Variants in RNF150 observed in about 807,000 individuals in gnomAD.
The protein encoded by RNF150 is ring finger protein 150.
A neutral mutation model predicts 39.3 loss-of-function variants in RNF150; 24 were observed. That is an observed-to-expected ratio of 0.61 (90% CI 0.44 to 0.86). RNF150 has a LOEUF of 0.86. Ranked by LOEUF, RNF150 falls within the 40% of genes least tolerant of loss-of-function variation. RNF150 has a pLI of 0.00. For synonymous variants in RNF150, 255 were observed against 227.3 expected, an observed-to-expected ratio of 1.12 and a Z score of -1.10; for missense variants, 502 against 587.8, an observed-to-expected ratio of 0.85 and a Z score of 1.51.
intron 1 of RNF150, among the ~76,000 whole-genome samples, chr4:141,205,016 A>C (rs80317772): frequency 1.3e-5 from 2 of 152,156 alleles, no homozygotes; most frequent in Non-Finnish European, 2.9e-5. Context: ...TGGGATAAAC[A>C]TGCTTAAAAT....
At chr4:141,177,054 GAA>G (rs5862514) in intron 1 of RNF150, among the ~76,000 whole-genome samples, 13,363 of 111,672 alleles carry the variant, frequency 0.12, 2,096 homozygotes, top group African/African-American at 0.39. Context: ...TGTCTCCTAG[GAA>G]AAAAAAAAAA....
In RNF150 at chr4:140,860,382, A is replaced by G. The variant is rs144853526; in HGVS notation, c.*7879T>C. 3 of 152,272 alleles carry G rather than the reference A, an allele frequency of 2.0e-5. No individual in the cohort carries two copies. The highest frequency in any genetic ancestry group is 7.2e-5 in the African/African-American group (3 of 41,556). The allele number at this position is 152,272 out of a possible 1,614,324, so 9.4% of individuals were successfully genotyped here. A position where few individuals can be genotyped will look rare whatever the true frequency, so the allele number is the denominator to read the frequency against. ...CAATTAAGAACTGAAGTCCAAATGA[A>G]AGACTCCCCATGCAAATGTCATCAG... On this transcript the variant is annotated 3_prime_UTR_variant, in exon 7 of 7. Transcript: ENST00000515673.
At chr4:141,084,194 C>T (rs781063187) in intron 1 of RNF150, among the ~76,000 whole-genome samples, 5 of 152,156 alleles carry the variant, frequency 3.3e-5, no homozygotes, top group Middle Eastern at 3.2e-3. Flanking sequence ...ACCGTTTCCA[C>T]GACCTTGAGT....
intron 6 of RNF150, among the ~76,000 whole-genome samples, chr4:140,870,079 A>C (rs572262894): frequency 6.6e-6 from 1 of 152,330 alleles, no homozygotes; most frequent in Admixed American, 6.5e-5. Flanking sequence ...TTCATGAAGG[A>C]CAGTGAATTC....
chr4:141,080,775 G>A (rs1268769367), intron 1 of RNF150, among the ~76,000 whole-genome samples: 4 of 152,168 alleles, frequency 2.6e-5, no homozygotes, highest in Non-Finnish European at 5.9e-5. Context: ...GACAGTAATT[G>A]GAGATATTAG....
intron 1 of RNF150, among the ~76,000 whole-genome samples, chr4:141,095,071 T>C (rs1738721425): frequency 6.6e-6 from 1 of 152,140 alleles, no homozygotes; most frequent in Non-Finnish European, 1.5e-5. Context: ...ATAAAAAGAA[T>C]GAATTCCAAG....
At position 141,125,844 on chromosome 4, in the gene RNF150, A is replaced by G. The variant is rs542733527; in HGVS notation, c.484+6481T>C. On this transcript the variant is annotated intron_variant, in intron 1 of 6. Coordinates refer to ENST00000515673, the MANE Select transcript of RNF150 (RefSeq NM_020724.2). ...AGCCACTAGGAGAGATGATGATTGA[A>G]TTCTTATTAAAGATTAGAAGACAGA... is the stretch of plus-strand genomic sequence containing the variant. 2.2e-4 allele frequency among the ~76,000 whole-genome samples: 34 copies of G among 152,278 alleles called. No individual in the cohort carries two copies. The South Asian group carries it at 6.6e-3, about 30-fold the overall frequency.
intron 1 of RNF150, among the ~76,000 whole-genome samples, chr4:141,042,894 C>T (rs149837251): frequency 6.0e-4 from 92 of 152,098 alleles, no homozygotes; most frequent in East Asian, 3.5e-3. Flanking sequence ...ACCTTGTCTT[C>T]GGCATACTAT....
rs1578759498 is a variant in RNF150, at chr4:141,133,329, C to G, written c.-521G>C. The G allele has an allele frequency of 6.2e-6, 1 of 162,482 alleles. No homozygotes were observed. The highest frequency in any genetic ancestry group is 2.4e-5 in the African/African-American group (1 of 41,524). 10.1% of individuals were successfully genotyped at this position (162,482 alleles called of 1,614,324 possible). ...CAGCCGCTGCTGCCCTGCGCCGGTTCCCTCAGGCTGCGGGCGCTGCGCTCC... is the reference window on the plus strand; with the variant it reads ...CAGCCGCTGCTGCCCTGCGCCGGTTGCCTCAGGCTGCGGGCGCTGCGCTCC... On this transcript the variant is annotated 5_prime_UTR_variant, in exon 1 of 7. Transcript: ENST00000515673.
chr4:140,921,248 A>G (rs975476167), intron 5 of RNF150, among the ~76,000 whole-genome samples: 5 of 151,816 alleles, frequency 3.3e-5, no homozygotes, highest in Admixed American at 3.3e-4. Flanking sequence ...AAAAGAGAGA[A>G]GAATCAAATA....
intron 6 of RNF150, among the ~76,000 whole-genome samples, chr4:140,900,837 C>T (rs1730164016): frequency 6.9e-6 from 1 of 144,932 alleles, no homozygotes; most frequent in South Asian, 2.2e-4. Context: ...TATATATATA[C>T]ATATCGATTC....
At position 140,862,330 on chromosome 4, in the gene RNF150, G is replaced by A. The variant is rs1728522833; in HGVS notation, c.*5931C>T. 6.6e-6 allele frequency: 1 copy of A among 152,186 alleles called. No homozygotes were observed. Among genetic ancestry groups the A allele is most frequent in the Admixed American group, 6.5e-5 (1 of 15,276 alleles). The allele number at this position is 152,186 out of a possible 1,614,324, so 9.4% of individuals were successfully genotyped here. On this transcript the variant is annotated 3_prime_UTR_variant, in exon 7 of 7. Transcript: ENST00000515673. ...CTCTGTATTAAGTGCAAACGTCAGT[G>A]GTAGCACAGAATTAGAAGATCTTTG...
chr4:140,984,899 CT>C (rs1733972905), intron 1 of RNF150, among the ~76,000 whole-genome samples: 1 of 152,072 alleles, frequency 6.6e-6, no homozygotes, highest in Non-Finnish European at 1.5e-5. Context: ...TCATTACTTC[CT>C]TGATAACATA....
chr4:141,122,722 TA>T (rs1403040007), intron 1 of RNF150, among the ~76,000 whole-genome samples: 2 of 152,292 alleles, frequency 1.3e-5, no homozygotes, highest in East Asian at 3.9e-4. Flanking sequence ...TTAAAAGCTA[TA>T]AAAACACACC....
chr4:141,009,464 T>C (rs181539977), intron 1 of RNF150, among the ~76,000 whole-genome samples: 1 of 152,188 alleles, frequency 6.6e-6, no homozygotes, highest in African/African-American at 2.4e-5. Context: ...GTGTGTGTTG[T>C]CTCCATCTTG....
intron 6 of RNF150, among the ~76,000 whole-genome samples, chr4:140,900,282 C>T (rs538119840): frequency 4.1e-4 from 62 of 152,228 alleles, no homozygotes; most frequent in Admixed American, 1.3e-3. Context: ...ATAACCAATA[C>T]AGAGCCATGT....
intron 1 of RNF150, among the ~76,000 whole-genome samples, chr4:141,197,223 T>C (rs1324001477): frequency 1.3e-5 from 2 of 152,234 alleles, no homozygotes; most frequent in African/African-American, 4.8e-5. Flanking sequence ...TGTCTTCATT[T>C]GGTATTTGTA....
intron 1 of RNF150, among the ~76,000 whole-genome samples, chr4:141,159,827 AG>A (rs1372309440): frequency 6.6e-6 from 1 of 152,184 alleles, no homozygotes; most frequent in African/African-American, 2.4e-5. Flanking sequence ...TACAGGTGTG[AG>A]CCACTGCGCC....
chr4:141,160,676 AGAGT>A (rs1727494765), intron 1 of RNF150, among the ~76,000 whole-genome samples: 1 of 152,190 alleles, frequency 6.6e-6, no homozygotes, highest in South Asian at 2.1e-4. Context: ...TTGGTACTAT[AGAGT>A]GAGTGAGTTC....
Sources: gnomAD v4.1 joint callset for allele counts (sites outside exome capture counted in the v4.1 genomes callset) on GRCh38, gnomAD v4.1.1 for gene constraint, MANE v1.5 for transcripts, NCBI Gene and HGNC (gene_info 2026-07-23, HGNC 2026-07-21) for gene names.